Variants in FRY observed in about 807,000 individuals in gnomAD.
FRY encodes protein furry homolog.
In FRY, 128 loss-of-function variants were observed where a neutral mutation model predicts 348.4. That is an observed-to-expected ratio of 0.37 (90% CI 0.32 to 0.43). The LOEUF is 0.43. FRY is among the 20% of genes least tolerant of loss of function. The pLI is 1.00. For synonymous variants in FRY, 1,370 were observed against 1,374.7 expected (o/e 1.00, Z 0.08); for missense variants, 2,736 against 3,695.2 (o/e 0.74, Z 6.73).
At position 32,117,315 on chromosome 13, in the gene FRY, C is replaced by T; in HGVS notation, c.325-19C>T. ...GGCAGTGCTACCAGTGTTCTAATCA[C>T]CTGCATTTTCCTCCATAGGTCATCA... On this transcript the variant is annotated intron_variant, in intron 3 of 60. Transcript: ENST00000542859. The T allele has an allele frequency of 6.2e-7, 1 of 1,613,010 alleles. No individual in the cohort carries two copies. The highest frequency in any genetic ancestry group is 8.5e-7 in the Non-Finnish European group (1 of 1,179,158).
Position 32,244,078 on chromosome 13 carries a change from C to G in FRY, c.6724C>G (p.Leu2242Val), listed in dbSNP as rs1450039250. The change falls in exon 47 of 61, where the codon CTG (leucine) becomes GTG (valine). Residue 2242 changes from leucine to valine, a missense_variant. By Grantham distance (32) the Leu-to-Val change is conservative (BLOSUM62 1). Around this residue, in one of 9 missense-constraint regions of FRY, gnomAD observed 789 missense variants for 996.2 expected, o/e 0.79. Coordinates refer to ENST00000542859, the MANE Select transcript of FRY (RefSeq NM_023037.3). ...GGGCCTCCCTAGTGTGCAGCAGCCC[C>G]TGCTCCAGGTGATCTACAGTCTTCT... ...EKGLPSVQQP[L>V]LQVIYSLLSY... 1 of 1,614,134 alleles carries G rather than the reference C, an allele frequency of 6.2e-7. No homozygotes were observed. The highest frequency in any genetic ancestry group is 1.3e-5 in the African/African-American group (1 of 75,054).
chr13:32,127,986 A>G (rs924498948), intron 7 of FRY, among the ~76,000 whole-genome samples: 1 of 152,192 alleles, frequency 6.6e-6, no homozygotes, highest in African/African-American at 2.4e-5. Context: ...TCTAACTATA[A>G]TATTTTTCTC....
intron 47 of FRY, among the ~76,000 whole-genome samples, chr13:32,245,474 T>A (rs959201374): frequency 6.6e-6 from 1 of 151,794 alleles, no homozygotes; most frequent in African/African-American, 2.4e-5. Flanking sequence ...ATCAGCAAGG[T>A]GTGGTGGTGC....
At chr13:32,085,635 T>C (rs1247350826) in intron 2 of FRY, among the ~76,000 whole-genome samples, 1 of 152,148 alleles carries the variant, frequency 6.6e-6, no homozygotes, top group Admixed American at 6.5e-5. Flanking sequence ...CTCCTGAGCA[T>C]GTAGGAGATG....
chr13:32,219,694 G>T (rs1885213567), intron 36 of FRY, among the ~76,000 whole-genome samples: 2 of 152,050 alleles, frequency 1.3e-5, no homozygotes, highest in Non-Finnish European at 2.9e-5. Flanking sequence ...AGGAGGCAGA[G>T]CTTGCAGTGA....
At chr13:32,226,303 C>G (rs1421607722) in intron 39 of FRY, among the ~76,000 whole-genome samples, 1 of 152,180 alleles carries the variant, frequency 6.6e-6, no homozygotes, top group Non-Finnish European at 1.5e-5. Flanking sequence ...GATGAGAACA[C>G]ACAAAATAGT....
chr13:32,287,865 A>G, intron 58 of FRY: 1 of 1,354,714 alleles, frequency 7.4e-7, no homozygotes, highest in Non-Finnish European at 9.9e-7. Flanking sequence ...CTTGCTGTGT[A>G]GCAAATGGAA....
intron 35 of FRY, among the ~76,000 whole-genome samples, 200 bp from the exon 36 acceptor site, chr13:32,218,549 C>T (rs989897143): frequency 6.6e-6 from 1 of 151,846 alleles, no homozygotes; most frequent in Non-Finnish European, 1.5e-5. Flanking sequence ...TGTGGTGGTG[C>T]ACACCTGTAA....
chr13:32,278,369 T>C (rs1888642155), intron 57 of FRY, 96 bp from the exon 58 acceptor site: 1 of 769,250 alleles, frequency 1.3e-6, no homozygotes, highest in African/African-American at 1.7e-5. Context: ...TTACTATTAT[T>C]AGAACTTTAA....
In FRY at chr13:32,274,918, C is replaced by T; in HGVS notation, c.8213C>T (p.Ser2738Phe). The change falls in exon 56 of 61, where the codon TCC becomes TTC. Residue 2738 changes from serine to phenylalanine, a missense_variant. By Grantham distance (155) the Ser-to-Phe change is radical. Coordinates refer to ENST00000542859, the MANE Select transcript of FRY (RefSeq NM_023037.3). ...YLGDNLRGIG[S>F]KFVSSSQMLT... is the part of the protein sequence containing the mutation. ...GGAGATAACCTCCGGGGAATCGGAT[C>T]CAAATTTGTCAGCTCTTCCCAGATG... 6.2e-7 allele frequency: 1 copy of T among 1,612,852 alleles called. No individual in the cohort carries two copies. The highest frequency in any genetic ancestry group is 8.5e-7 in the Non-Finnish European group (1 of 1,178,956).
intron 1 of FRY, among the ~76,000 whole-genome samples, chr13:32,062,982 T>C (rs960052295): frequency 2.6e-5 from 4 of 151,986 alleles, no homozygotes; most frequent in African/African-American, 4.8e-5. Context: ...TATAATAGAA[T>C]GCATACTATA....
At position 32,296,335 on chromosome 13, in the gene FRY, C is replaced by A. The variant is rs955967725; in HGVS notation, c.*875C>A. The A allele has an allele frequency of 6.6e-6, 1 of 152,528 alleles. No individual in the cohort carries two copies. Among genetic ancestry groups the A allele is most frequent in the Non-Finnish European group, 1.5e-5 (1 of 68,032 alleles). The allele number at this position is 152,528 out of a possible 1,614,324, so 9.4% of individuals were successfully genotyped here. A position where few individuals can be genotyped will look rare whatever the true frequency, so the allele number is the denominator to read the frequency against. On this transcript the variant is annotated 3_prime_UTR_variant, in exon 61 of 61. Transcript: ENST00000542859. The stretch of plus-strand genomic sequence containing the variant: ...CTGTCAGGCATGCATATTTTAATAT[C>A]TGTTTGGATAGTCAGAAGTAGAATC...
intron 1 of FRY, among the ~76,000 whole-genome samples, chr13:32,076,012 GAAT>G (rs1169713372): frequency 6.6e-6 from 1 of 152,214 alleles, no homozygotes; most frequent in African/African-American, 2.4e-5. Context: ...AAGTTCAGGT[GAAT>G]AATATTTTTT....
chr13:32,169,176 G>C (rs1015918559), intron 17 of FRY, among the ~76,000 whole-genome samples: 1 of 152,058 alleles, frequency 6.6e-6, no homozygotes, highest in Non-Finnish European at 1.5e-5. Context: ...CTATGCTTTG[G>C]GTCAGGCCCT....
At chr13:32,173,278 A>G (rs1227404414) in intron 18 of FRY, 89 bp from the exon 19 acceptor site, 15 of 975,102 alleles carry the variant, frequency 1.5e-5, no homozygotes, top group Non-Finnish European at 2.2e-5. Context: ...TTACAAGGTC[A>G]AATGTGCAAA....
At chr13:32,062,334 C>T (rs769152637) in intron 1 of FRY, among the ~76,000 whole-genome samples, 10 of 151,950 alleles carry the variant, frequency 6.6e-5, no homozygotes, top group Non-Finnish European at 1.3e-4. Flanking sequence ...TGTTACTGAC[C>T]GTTAGTGTAT....
intron 3 of FRY, among the ~76,000 whole-genome samples, chr13:32,104,847 T>C (rs1195809293): frequency 6.6e-6 from 1 of 152,204 alleles, no homozygotes; most frequent in African/African-American, 2.4e-5. Context: ...CCCCTGCATA[T>C]GCTCTCTCTT....
intron 35 of FRY, among the ~76,000 whole-genome samples, chr13:32,218,001 T>G (rs9533886): frequency 0.35 from 52,672 of 151,982 alleles, 9,520 homozygotes; most frequent in African/African-American, 0.44. Context: ...AAACTTTAAT[T>G]CTGGGTAAAG....
At chr13:32,249,024 C>G (rs1886942123) in intron 48 of FRY, among the ~76,000 whole-genome samples, 1 of 152,232 alleles carries the variant, frequency 6.6e-6, no homozygotes, top group African/African-American at 2.4e-5. Flanking sequence ...CTCTGGAGCT[C>G]TCAGGAAGTG....
Sources: allele counts gnomAD v4.1 joint callset (sites outside exome capture counted in the v4.1 genomes callset), GRCh38; gene constraint gnomAD v4.1.1; regional missense constraint gnomAD v4.1.1; transcripts MANE v1.5; gene names NCBI Gene and HGNC (gene_info 2026-07-23, HGNC 2026-07-21).